Variants in PIK3C3 observed in about 807,000 individuals in gnomAD.
PIK3C3 encodes PI3-kinase type 3.
In PIK3C3, 95 loss-of-function variants were observed where a neutral mutation model predicts 126.1. The ratio of observed to expected loss-of-function variants is 0.75; its 90% confidence interval spans 0.64 to 0.89. The LOEUF is 0.89. Among genes scored for constraint, PIK3C3 ranks in the 40% least tolerant of loss-of-function variants. The probability of loss-of-function intolerance (pLI) is 0.00; values close to 1 mark genes in which losing one functional copy is unlikely to be tolerated. For synonymous variants in PIK3C3, 374 were observed against 360.0 expected (o/e 1.04, Z -0.44); for missense variants, 829 against 1,063.2 (o/e 0.78, Z 3.06).
chr18:41,966,272 C>T (rs529705662), intron 3 of PIK3C3, among the ~76,000 whole-genome samples: 10 of 147,078 alleles, frequency 6.8e-5, no homozygotes, highest in African/African-American at 1.5e-4. Context: ...TGGGTTCAAG[C>T]GATTCTCCTG....
At chr18:42,017,152 A>T (rs959032416) in intron 12 of PIK3C3, among the ~76,000 whole-genome samples, 5 of 151,998 alleles carry the variant, frequency 3.3e-5, no homozygotes, top group Non-Finnish European at 7.4e-5. Context: ...CCCTATTCCC[A>T]TAGAGTGTAT....
chr18:42,023,180 T>G (rs1233607253), intron 13 of PIK3C3, among the ~76,000 whole-genome samples: 1 of 152,236 alleles, frequency 6.6e-6, no homozygotes, highest in African/African-American at 2.4e-5. Flanking sequence ...GTCTAGAGTA[T>G]TCACTATGGT....
At chr18:42,043,710 AC>A (rs1433598844) in intron 19 of PIK3C3, 22 bp from the exon 20 acceptor site, 2 of 1,506,028 alleles carry the variant, frequency 1.3e-6, no homozygotes, top group Admixed American at 3.4e-5. Flanking sequence ...TAATTCTAAA[AC>A]ATGTAAATAA....
intron 14 of PIK3C3, 146 bp from the exon 15 acceptor site, chr18:42,029,179 T>C: frequency 1.8e-6 from 1 of 562,676 alleles, no homozygotes; most frequent in Non-Finnish European, 3.2e-6. Context: ...TCTTGTTATT[T>C]TTGAATCAAG....
intron 4 of PIK3C3, among the ~76,000 whole-genome samples, chr18:41,982,874 A>G (rs916699625): frequency 6.6e-6 from 1 of 152,198 alleles, no homozygotes; most frequent in Non-Finnish European, 1.5e-5. Context: ...GAATTGTTCC[A>G]GGTTATTTAA....
chr18:42,014,322 T>A (rs912946056), intron 11 of PIK3C3, among the ~76,000 whole-genome samples: 2 of 152,172 alleles, frequency 1.3e-5, no homozygotes, highest in Non-Finnish European at 2.9e-5. Context: ...TACACCTCTT[T>A]AGTAGTTAAA....
chr18:41,984,174 G>A (rs1981350374), intron 4 of PIK3C3, among the ~76,000 whole-genome samples: 1 of 151,918 alleles, frequency 6.6e-6, no homozygotes, highest in Non-Finnish European at 1.5e-5. Flanking sequence ...TTAACAGAAT[G>A]CAGATTTTCT....
At chr18:41,964,598 G>C (rs1488034269) in intron 3 of PIK3C3, among the ~76,000 whole-genome samples, 2 of 152,036 alleles carry the variant, frequency 1.3e-5, no homozygotes, top group Non-Finnish European at 2.9e-5. Flanking sequence ...TATTCTGTCA[G>C]TTAGGATAGT....
chr18:41,965,026 A>G (rs1209077526), intron 3 of PIK3C3, among the ~76,000 whole-genome samples: 1 of 152,230 alleles, frequency 6.6e-6, no homozygotes, highest in African/African-American at 2.4e-5. Context: ...TTGATAAAAT[A>G]GCATGTTACA....
intron 9 of PIK3C3, among the ~76,000 whole-genome samples, chr18:42,002,689 A>G (rs1374230669): frequency 6.6e-6 from 1 of 152,178 alleles, no homozygotes; most frequent in East Asian, 1.9e-4. Context: ...GTTGTGGGGT[A>G]TTTCTGCTAA....
chr18:41,971,429 T>G (rs1177454295), intron 4 of PIK3C3: 1 of 152,128 alleles, frequency 6.6e-6, no homozygotes. Context: ...TTTGTATTGC[T>G]CTTTTAAGGA....
At chr18:42,022,096 C>G (rs962312361) in intron 13 of PIK3C3, among the ~76,000 whole-genome samples, 1 of 152,176 alleles carries the variant, frequency 6.6e-6, no homozygotes, top group African/African-American at 2.4e-5. Flanking sequence ...GGTACTGCCC[C>G]TGTACTTAAG....
intron 12 of PIK3C3, among the ~76,000 whole-genome samples, chr18:42,016,042 T>C (rs1424104473): frequency 1.3e-5 from 2 of 152,184 alleles, no homozygotes; most frequent in East Asian, 3.8e-4. Flanking sequence ...GGAAAGTGCA[T>C]TGCAGAAGCT....
intron 20 of PIK3C3, among the ~76,000 whole-genome samples, chr18:42,048,945 C>T (rs2144489079): frequency 6.6e-6 from 1 of 152,180 alleles, no homozygotes; most frequent in South Asian, 2.1e-4. Context: ...GCTAAATTTC[C>T]AGACTTTTTT....
At chr18:42,071,325 T>C (rs549677001) in intron 24 of PIK3C3, among the ~76,000 whole-genome samples, 2 of 152,212 alleles carry the variant, frequency 1.3e-5, no homozygotes, top group South Asian at 4.1e-4. Context: ...ATGTATTTCA[T>C]ACAATGCTTC....
chr18:41,983,123 A>G (rs1649620217), intron 4 of PIK3C3, among the ~76,000 whole-genome samples: 1 of 152,180 alleles, frequency 6.6e-6, no homozygotes, highest in African/African-American at 2.4e-5. Context: ...TTACTTTCAT[A>G]TCACTGTTTC....
At chr18:41,964,890 T>G (rs1287723534) in intron 3 of PIK3C3, among the ~76,000 whole-genome samples, 3 of 152,202 alleles carry the variant, frequency 2.0e-5, no homozygotes, top group Admixed American at 2.0e-4. Flanking sequence ...CTTGGTTGCT[T>G]ACAAATACCT....
chr18:41,957,633 G>A lies in PIK3C3; in HGVS notation c.132G>A (p.Leu44=), dbSNP rs1219499040. 2 of 1,613,272 alleles carry A rather than the reference G, an allele frequency of 1.2e-6. No homozygotes were observed. Among genetic ancestry groups the A allele is most frequent in the Admixed American group, 3.4e-5 (2 of 59,696 alleles). The change falls in exon 2 of 25, where the codon TTG becomes TTA. Residue 44 remains leucine (L), a synonymous_variant. Coordinates refer to ENST00000262039, the MANE Select transcript of PIK3C3 (RefSeq NM_002647.4). ...AAGCTGTCCTGGAAGACCCAATGTT[G>A]AAGTTCTCAGGACTATATCAAGAGA... The part of the protein sequence containing the change: ...SYKAVLEDPM[L]KFSGLYQETC...
intron 13 of PIK3C3, chr18:42,026,553 T>A (rs2144433315): frequency 6.6e-6 from 1 of 152,278 alleles, no homozygotes; most frequent in East Asian, 1.9e-4. Context: ...TCACCTGGGC[T>A]CAAGCTATCT....
Sources: allele counts gnomAD v4.1 joint callset (sites outside exome capture counted in the v4.1 genomes callset), GRCh38; gene constraint gnomAD v4.1.1; transcripts MANE v1.5; gene names NCBI Gene and HGNC (gene_info 2026-07-23, HGNC 2026-07-21).